Variants in PTPRM observed in about 807,000 individuals in gnomAD.
PTPRM encodes the protein protein tyrosine phosphatase receptor type M.
PTPRM carries 47 observed loss-of-function variants against 186.7 expected under a neutral mutation model. The ratio of observed to expected loss-of-function variants is 0.25; its 90% CI spans 0.20 to 0.32. PTPRM has a LOEUF of 0.32. Ranked by LOEUF, PTPRM falls within the 10% of genes least tolerant of loss-of-function variation. PTPRM has a pLI of 1.00. For missense variants in PTPRM, 1,494 were observed against 1,865.0 expected, an observed-to-expected ratio of 0.80 and a Z score of 3.66; for synonymous variants, 668 against 674.9, an observed-to-expected ratio of 0.99 and a Z score of 0.16.
chr18:8,038,133 A>C (rs1568229371), intron 7 of PTPRM, among the ~76,000 whole-genome samples: 1 of 152,160 alleles, frequency 6.6e-6, no homozygotes, highest in Non-Finnish European at 1.5e-5. Flanking sequence ...TGAATCTTTT[A>C]GAATAGAGAC....
intron 2 of PTPRM, among the ~76,000 whole-genome samples, chr18:7,780,184 A>C (rs2145062637): frequency 6.6e-6 from 1 of 152,322 alleles, no homozygotes; most frequent in East Asian, 1.9e-4. Flanking sequence ...TGTACATATA[A>C]ATGACACTAA....
intron 29 of PTPRM, among the ~76,000 whole-genome samples, chr18:8,382,340 G>C (rs146211312): frequency 2.0e-5 from 3 of 152,230 alleles, no homozygotes; most frequent in Non-Finnish European, 4.4e-5. Context: ...TCAGGAGCTT[G>C]AACTGAGAAA....
rs1275353071 is a variant in PTPRM, at chr18:7,969,556, G to A, written c.1132+14142G>A. Among the ~76,000 whole-genome samples the A allele has an allele frequency of 2.9e-3, 435 of 148,876 alleles. 17 individuals are homozygous for A. The highest frequency in any genetic ancestry group is 0.01 in the African/African-American group (406 of 39,198). ...AAAGGTTCAACAAAATTGATAGACC[G>A]CTAGCAAGACTAATAAAGAAAAAAA... On this transcript the variant is annotated intron_variant, in intron 7 of 32. Coordinates refer to ENST00000580170, the MANE Select transcript of PTPRM (RefSeq NM_001105244.2).
intron 2 of PTPRM, among the ~76,000 whole-genome samples, chr18:7,807,464 G>A (rs1263088808): frequency 6.6e-6 from 1 of 152,184 alleles, no homozygotes; most frequent in South Asian, 2.1e-4. Context: ...CCATCCACAA[G>A]TTCTTCTATT....
intron 14 of PTPRM, among the ~76,000 whole-genome samples, chr18:8,214,126 G>A (rs2094045767): frequency 6.6e-6 from 1 of 152,144 alleles, no homozygotes; most frequent in Non-Finnish European, 1.5e-5. Context: ...AGGTAGGGGA[G>A]TGAGACATGA....
intron 1 of PTPRM, among the ~76,000 whole-genome samples, chr18:7,642,413 G>A (rs537070870): frequency 7.9e-5 from 12 of 152,222 alleles, no homozygotes; most frequent in South Asian, 2.1e-4. Context: ...CCTAAATTCC[G>A]TGGAGTTTTT....
Position 7,790,870 on chromosome 18 carries a change from G to T in PTPRM, c.196+16599G>T, listed in dbSNP as rs2043306839. On this transcript the variant is annotated intron_variant, in intron 2 of 32. Coordinates refer to ENST00000580170, the MANE Select transcript of PTPRM (RefSeq NM_001105244.2). Reference sequence around the variant, plus strand: ...ACCTTCCGAGGTAGCTCATGGGAGTGGTTGCTAACTCTTAATAATTGAAAA... The same window carrying T: ...ACCTTCCGAGGTAGCTCATGGGAGTTGTTGCTAACTCTTAATAATTGAAAA... Among the ~76,000 whole-genome samples the T allele has an allele frequency of 2.0e-5, 3 of 151,860 alleles. No individual in the cohort carries two copies. The South Asian group carries it at 6.2e-4, about 31-fold the overall frequency.
chr18:8,234,615 G>A (rs2094323267), intron 14 of PTPRM, among the ~76,000 whole-genome samples: 2 of 152,118 alleles, frequency 1.3e-5, no homozygotes, highest in South Asian at 4.1e-4. Context: ...ACTTCCAAGA[G>A]GATATTGAAA....
chr18:8,121,919 C>G (rs1296221143), intron 13 of PTPRM: 1 of 152,150 alleles, frequency 6.6e-6, no homozygotes, highest in African/African-American at 2.4e-5. Context: ...TCAGTCTTCA[C>G]CTTTATTTAG....
At chr18:7,629,219 T>C (rs1433296658) in intron 1 of PTPRM, among the ~76,000 whole-genome samples, 3 of 152,168 alleles carry the variant, frequency 2.0e-5, no homozygotes, top group African/African-American at 7.2e-5. Context: ...AGGATTCAGG[T>C]CAATGTAGGG....
At chr18:8,067,125 C>G (rs2089142427) in intron 7 of PTPRM, among the ~76,000 whole-genome samples, 1 of 152,148 alleles carries the variant, frequency 6.6e-6, no homozygotes, top group African/African-American at 2.4e-5. Context: ...AGCCTTTAGT[C>G]ATTTTATTAG....
At chr18:7,697,005 A>AG (rs2039859239) in intron 1 of PTPRM, among the ~76,000 whole-genome samples, 1 of 152,236 alleles carries the variant, frequency 6.6e-6, no homozygotes, top group African/African-American at 2.4e-5. Flanking sequence ...TCATTCCTAA[A>AG]GCTGAATGAT....
intron 7 of PTPRM, among the ~76,000 whole-genome samples, chr18:7,960,677 G>C (rs1379547526): frequency 6.6e-6 from 1 of 151,874 alleles, no homozygotes; most frequent in Admixed American, 6.6e-5. Context: ...AGGATAACTT[G>C]AGCCCAGGAG....
chr18:8,127,850 T>C (rs1427571782), intron 13 of PTPRM, among the ~76,000 whole-genome samples: 1 of 152,186 alleles, frequency 6.6e-6, no homozygotes, highest in Non-Finnish European at 1.5e-5. Context: ...AGGAGGAACA[T>C]TCATGGAAGT....
At chr18:7,790,584 C>T (rs2043294181) in intron 2 of PTPRM, among the ~76,000 whole-genome samples, 1 of 152,188 alleles carries the variant, frequency 6.6e-6, no homozygotes, top group Admixed American at 6.5e-5. Context: ...TTTCTTTCCT[C>T]CCTGATTCAC....
rs533260583 is a variant in PTPRM, at chr18:7,690,046, A to G, written c.74-84103A>G. 7.9e-5 allele frequency among the ~76,000 whole-genome samples: 12 copies of G among 152,352 alleles called. No homozygotes were observed. The East Asian group carries it at 2.3e-3, about 29-fold the overall frequency. Reference sequence around the variant, plus strand: ...TCATCAGAAATCAAAGGAGGGATCCATTTGCCAAATGGGCACCATAAAGAC... The same window carrying G: ...TCATCAGAAATCAAAGGAGGGATCCGTTTGCCAAATGGGCACCATAAAGAC... On this transcript the variant is annotated intron_variant, in intron 1 of 32. Coordinates refer to ENST00000580170, the MANE Select transcript of PTPRM (RefSeq NM_001105244.2).
At chr18:7,901,241 A>G (rs1467025694) in intron 3 of PTPRM, among the ~76,000 whole-genome samples, 2 of 152,244 alleles carry the variant, frequency 1.3e-5, no homozygotes, top group Non-Finnish European at 2.9e-5. Context: ...GGCACTGGCT[A>G]GAGAGGTGTA....
chr18:7,717,251 C>T (rs542464015), intron 1 of PTPRM, among the ~76,000 whole-genome samples: 112 of 152,174 alleles, frequency 7.4e-4, no homozygotes, highest in African/African-American at 2.5e-3. Context: ...CCCACCCCAC[C>T]CCATCCTCTG....
Position 7,803,365 on chromosome 18 carries a change from G to T in PTPRM, c.196+29094G>T, listed in dbSNP as rs141989570. The stretch of plus-strand genomic sequence containing the variant: ...TGCTTCTTTATCTTCAAAGCCAGGA[G>T]CTGGACATCTTTAAATCCCTAACCC... On this transcript the variant is annotated intron_variant, in intron 2 of 32. Transcript: ENST00000580170. Among the ~76,000 whole-genome samples, 204 of 152,198 alleles carry T rather than the reference G, an allele frequency of 1.3e-3. 2 individuals are homozygous for T. Among genetic ancestry groups the T allele is most frequent in the Non-Finnish European group, 6.5e-4 (44 of 68,014 alleles).
Sources: allele counts gnomAD v4.1 joint callset (sites outside exome capture counted in the v4.1 genomes callset), GRCh38; gene constraint gnomAD v4.1.1; transcripts MANE v1.5; gene names NCBI Gene and HGNC (gene_info 2026-07-23, HGNC 2026-07-21).